The following STXBP5 variants were observed in gnomAD, a reference collection of about 807,000 sequenced individuals.
STXBP5 encodes syntaxin binding protein 5.
Under a neutral mutation model 152.4 loss-of-function variants are expected in STXBP5, and 50 were observed. The ratio of observed to expected loss-of-function variants is 0.33; its 90% CI spans 0.26 to 0.42. The LOEUF (loss-of-function observed/expected upper bound fraction) is 0.42. Ranked by LOEUF, STXBP5 falls within the 10% of genes least tolerant of loss-of-function variation. The pLI, the probability that STXBP5 is intolerant of heterozygous loss-of-function variation, is 1.00. For missense variants in STXBP5, 1,167 were observed against 1,388.6 expected (o/e 0.84, Z 2.54); for synonymous variants, 492 against 494.7 (o/e 0.99, Z 0.07).
intron 9 of STXBP5, among the ~76,000 whole-genome samples, chr6:147,297,568 T>C (rs2128358419): frequency 6.6e-6 from 1 of 152,080 alleles, no homozygotes; most frequent in East Asian, 1.9e-4. Context: ...ACTACAATAC[T>C]ATGATGATGC....
At chr6:147,271,470 AC>A (rs1345356871) in intron 7 of STXBP5, among the ~76,000 whole-genome samples, 3 of 152,148 alleles carry the variant, frequency 2.0e-5, no homozygotes, top group Non-Finnish European at 4.4e-5. Context: ...ATGTTATTTT[AC>A]TATGCTAAAA....
In STXBP5 at chr6:147,340,518, C is replaced by T. The variant is rs192176561; in HGVS notation, c.2254+1134C>T. On this transcript the variant is annotated intron_variant, in intron 21 of 27. Transcript: ENST00000321680. ...AGCACTATGGCACAATAGTCTTTAA[C>T]CAATTTCATTTATTGTGTATTCTAT... 1.1e-3 allele frequency among the ~76,000 whole-genome samples: 166 copies of T among 152,054 alleles called. 2 individuals are homozygous for T. The highest frequency in any genetic ancestry group is 3.8e-3 in the African/African-American group (158 of 41,522).
intron 2 of STXBP5, among the ~76,000 whole-genome samples, chr6:147,228,084 T>C (rs140753221): frequency 7.9e-5 from 12 of 152,220 alleles, no homozygotes; most frequent in Non-Finnish European, 1.8e-4. Context: ...CCTCCTGGGC[T>C]TTTTCATCTT....
intron 2 of STXBP5, among the ~76,000 whole-genome samples, chr6:147,214,308 G>A (rs1365158050): frequency 6.6e-6 from 1 of 152,094 alleles, no homozygotes; most frequent in Non-Finnish European, 1.5e-5. Flanking sequence ...TAGTTGGTTG[G>A]TTTAATCTCT....
chr6:147,363,408 T>C lies in STXBP5; in HGVS notation c.2619T>C (p.Pro873=). 6.2e-7 allele frequency: 1 copy of C among 1,614,046 alleles called. No homozygotes were observed. The highest frequency in any genetic ancestry group is 1.1e-5 in the South Asian group (1 of 91,064). ...FLDTTGCLIP[P]AYEPWREHNV... is the part of the protein sequence containing the mutation. ...ATACCACAGGCTGCTTAATACCACC[T>C]GCGTATGAACCCTGGAGAGAGCACA... is the stretch of plus-strand genomic sequence containing the variant. Residue 873 remains proline, a synonymous_variant, in exon 24 of 28, where the codon CCT becomes CCC. Coordinates refer to ENST00000321680, the MANE Select transcript of STXBP5 (RefSeq NM_001127715.4).
At chr6:147,348,974 G>T (rs1307483332) in intron 21 of STXBP5, among the ~76,000 whole-genome samples, 1 of 152,054 alleles carries the variant, frequency 6.6e-6, no homozygotes, top group African/African-American at 2.4e-5. Context: ...TTCTGACTAT[G>T]GGCATTAATA....
intron 8 of STXBP5, among the ~76,000 whole-genome samples, chr6:147,279,583 A>T (rs879316663): frequency 6.6e-6 from 1 of 152,210 alleles, no homozygotes; most frequent in South Asian, 2.1e-4. Flanking sequence ...TTGAAACCAC[A>T]TATTGTGAAA....
rs1341451912 is a variant in STXBP5 at position 147,213,485 on chromosome 6, C to CAT, written c.248+7426_248+7427dup. ...GTGTGTGTGTGTGTGTGTGCGCGCG[C>CAT]ATATATATATTTTTTCTTTTTCTTT... On this transcript the variant is annotated intron_variant, in intron 2 of 27. Transcript: ENST00000321680. Among the ~76,000 whole-genome samples, 80 of 131,512 alleles carry CAT rather than the reference C, an allele frequency of 6.1e-4. 1 individual carries two copies. Among genetic ancestry groups the CAT allele is most frequent in the Admixed American group, 1.6e-3 (23 of 13,956 alleles). The allele number at this position is 131,512 out of a possible 152,430, so 86.3% of individuals were successfully genotyped here.
chr6:147,368,262 A>C (rs1000441827), intron 25 of STXBP5, among the ~76,000 whole-genome samples: 7 of 152,096 alleles, frequency 4.6e-5, no homozygotes, highest in African/African-American at 1.7e-4. Flanking sequence ...ATTTGTTAAA[A>C]AAAAAAAATT....
intron 7 of STXBP5, 22 bp from the exon 8 acceptor site, chr6:147,278,059 G>T: frequency 6.3e-7 from 1 of 1,581,606 alleles, no homozygotes; most frequent in Non-Finnish European, 8.6e-7. Flanking sequence ...TTTTTTAAAT[G>T]GTATTTTTCA....
At chr6:147,207,010 C>G (rs1380720574) in intron 2 of STXBP5, among the ~76,000 whole-genome samples, 1 of 150,318 alleles carries the variant, frequency 6.7e-6, no homozygotes. Flanking sequence ...AAAAAAAAAT[C>G]ACTAGATGAT....
At chr6:147,283,175 A>C (rs1780781574) in intron 8 of STXBP5, among the ~76,000 whole-genome samples, 4 of 152,204 alleles carry the variant, frequency 2.6e-5, no homozygotes, top group East Asian at 1.9e-4. Flanking sequence ...CAATGTAATC[A>C]ATCTACTTAT....
At chr6:147,377,578 G>A (rs570227346) in intron 26 of STXBP5, among the ~76,000 whole-genome samples, 3 of 152,252 alleles carry the variant, frequency 2.0e-5, no homozygotes, top group African/African-American at 7.2e-5. Context: ...GGTGCCAGCA[G>A]GATTGAGTTG....
intron 2 of STXBP5, among the ~76,000 whole-genome samples, chr6:147,208,634 C>T: frequency 6.6e-6 from 1 of 152,058 alleles, no homozygotes; most frequent in East Asian, 1.9e-4. Context: ...AGAAAATAGA[C>T]TTCTAGATAA....
chr6:147,259,947 T>C (rs1779565084), intron 4 of STXBP5, among the ~76,000 whole-genome samples: 1 of 152,138 alleles, frequency 6.6e-6, no homozygotes, highest in Non-Finnish European at 1.5e-5. Context: ...TGTAATTTGT[T>C]AATGAAGGCC....
chr6:147,235,285 A>C lies in STXBP5; in HGVS notation c.284A>C (p.His95Pro). 1.9e-6 allele frequency: 3 copies of C among 1,613,490 alleles called. No homozygotes were observed. The highest frequency in any genetic ancestry group is 2.5e-6 in the Non-Finnish European group (3 of 1,179,542). The change falls in exon 3 of 28, where the codon CAT becomes CCT. Residue 95 changes from histidine (H) to proline (P), a missense_variant. This residue lies in a region of STXBP5 where 310 missense variants were observed against 346.1 expected (regional missense o/e 0.90). Coordinates refer to ENST00000321680, the MANE Select transcript of STXBP5 (RefSeq NM_001127715.4). ...CCAGGAGTAGAATGTTATTGCCAGC[A>C]TGACAGTGGAGCTGCAGTAATCCAG... ...GRPGVECYCQHDSGAAVIQLQ... is the reference protein window; with the variant it reads ...GRPGVECYCQPDSGAAVIQLQ...
intron 2 of STXBP5, among the ~76,000 whole-genome samples, chr6:147,232,203 G>T (rs976469152): frequency 1.5e-4 from 23 of 151,762 alleles, no homozygotes; most frequent in Admixed American, 5.3e-4. Flanking sequence ...GAAAATAGAG[G>T]TCTTCAAGTC....
At chr6:147,350,593 T>C (rs17076702) in intron 21 of STXBP5, among the ~76,000 whole-genome samples, 2,437 of 152,270 alleles carry the variant, frequency 0.016, 56 homozygotes, top group African/African-American at 0.054. Context: ...CTTATTATAG[T>C]GGTGCATTGC....
At chr6:147,313,790 T>G in intron 11 of STXBP5, 94 bp from the exon 12 acceptor site, 1 of 784,476 alleles carries the variant, frequency 1.3e-6, no homozygotes, top group South Asian at 3.6e-5. Context: ...ATCTCTATGA[T>G]AGAATGTATG....
Sources: allele counts gnomAD v4.1 joint callset (sites outside exome capture counted in the v4.1 genomes callset), GRCh38; gene constraint gnomAD v4.1.1; regional missense constraint gnomAD v4.1.1; transcripts MANE v1.5; gene names NCBI Gene and HGNC (gene_info 2026-07-23, HGNC 2026-07-21).